The following LAMA5 variants were observed in gnomAD, a reference collection of about 807,000 sequenced individuals.
LAMA5 encodes the protein laminin subunit alpha 5, also known as laminin subunit alpha-5.
A neutral mutation model predicts 433.4 loss-of-function variants in LAMA5; 260 were observed. The ratio of observed to expected loss-of-function variants is 0.60; its 90% confidence interval spans 0.54 to 0.66. LAMA5 has a LOEUF of 0.66. LAMA5 is among the 30% of genes least tolerant of loss of function. The pLI, the probability that LAMA5 is intolerant of heterozygous loss-of-function variation, is 0.00. For synonymous variants in LAMA5, 2,620 were observed against 2,226.6 expected, an observed-to-expected ratio of 1.18 and a Z score of -4.97; for missense variants, 5,378 against 5,258.5, an observed-to-expected ratio of 1.02 and a Z score of -0.70.
chr20:62,320,779 G>C lies in LAMA5; in HGVS notation c.6608C>G (p.Ala2203Gly), dbSNP rs1987614227. ...GGAGGCGTTCAGCCTGTGCAGACGG[G>C]CCCAGGCCATGGAGCTGGCATTGAT... is the stretch of plus-strand genomic sequence containing the variant. ...RGINASSMAW[A>G]RLHRLNASIA... The change falls in exon 49 of 80, where the codon GCC becomes GGC. Residue 2203 changes from alanine to glycine, a missense_variant. Transcript: ENST00000252999. The C allele has an allele frequency of 6.2e-7, 1 of 1,612,688 alleles. No individual in the cohort carries two copies. The highest frequency in any genetic ancestry group is 8.5e-7 in the Non-Finnish European group (1 of 1,179,920).
Position 62,334,936 on chromosome 20 carries a change from C to T in LAMA5, c.2482+85G>A, listed in dbSNP as rs577678064. ...CCCGGGCTTCATGCTGCCCAGGCTG[C>T]ACTTGTCCCTCCGGGCCTTGGGTTC... On this transcript the variant is annotated intron_variant, in intron 20 of 79. Coordinates refer to ENST00000252999, the MANE Select transcript of LAMA5 (RefSeq NM_005560.6). The T allele has an allele frequency of 7.3e-5, 95 of 1,295,512 alleles. No individual in the cohort carries two copies. The South Asian group carries it at 1.1e-3, about 15-fold the overall frequency. 80.3% of individuals were successfully genotyped at this position (1,295,512 alleles called of 1,614,324 possible).
rs777979653 is a variant in LAMA5, at chr20:62,337,680, G to A, written c.2074C>T (p.Arg692Trp). The A allele has an allele frequency of 3.5e-5, 56 of 1,611,752 alleles. No individual in the cohort carries two copies. The South Asian group carries it at 4.5e-4, about 13-fold the overall frequency. The change falls in exon 16 of 80, where the codon CGG becomes TGG. Residue 692 changes from arginine (R) to tryptophan (W), a missense_variant. Transcript: ENST00000252999. ...GGCCGGCAGCTGCACTGCCCACTCC[G>A]GGGGTCACAGGCTGCGTGCAGGGAG... Reference protein sequence around the residue: ...EGSLHAACDPRSGQCSCRPRV... With the variant: ...EGSLHAACDPWSGQCSCRPRV...
intron 1 of LAMA5, among the ~76,000 whole-genome samples, chr20:62,363,141 C>A (rs1741635): frequency 7.2e-5 from 11 of 152,026 alleles, no homozygotes; most frequent in South Asian, 2.1e-4. Context: ...GCCAGACCCC[C>A]CCCCACCTCC....
chr20:62,359,759 C>T lies in LAMA5; in HGVS notation c.450+2641G>A, dbSNP rs1051355962. Among the ~76,000 whole-genome samples, 27 of 152,106 alleles carry T rather than the reference C, an allele frequency of 1.8e-4. No individual in the cohort carries two copies. The highest frequency in any genetic ancestry group is 5.9e-4 in the Admixed American group (9 of 15,288). Reference sequence around the variant, plus strand: ...AGGCCAGGAGCCCAGCTGGCACTCCCGGGGGCCCAGGCTCAGCTGCTTCTG... The same window carrying T: ...AGGCCAGGAGCCCAGCTGGCACTCCTGGGGGCCCAGGCTCAGCTGCTTCTG... On this transcript the variant is annotated intron_variant, in intron 2 of 79. Transcript: ENST00000252999. The surrounding 1 kb of genome is among the most constrained non-coding windows in gnomAD (Gnocchi z 4.3).
At position 62,323,758 on chromosome 20, in the gene LAMA5, G is replaced by T; in HGVS notation, c.5849+18C>A. On this transcript the variant is annotated intron_variant, in intron 44 of 79. Coordinates refer to ENST00000252999, the MANE Select transcript of LAMA5 (RefSeq NM_005560.6). ...GTCAGCACTCAGGCCCTGCCCCACT[G>T]CCCTAGCCCCAGCTCACCGCTCGCA... The T allele has an allele frequency of 6.2e-7, 1 of 1,607,216 alleles. No homozygotes were observed. The highest frequency in any genetic ancestry group is 8.5e-7 in the Non-Finnish European group (1 of 1,176,836).
chr20:62,315,942 G>T lies in LAMA5; in HGVS notation c.7867+6C>A. Reference sequence around the variant, plus strand: ...GCTGCGAGAGCCGGGCCCAGGCTCCGCATACCTGTGTCCATGGCAAGCATG... The same window carrying T: ...GCTGCGAGAGCCGGGCCCAGGCTCCTCATACCTGTGTCCATGGCAAGCATG... On this transcript the variant is annotated splice_donor_region_variant and intron_variant, in intron 58 of 79. Transcript: ENST00000252999. 6.3e-7 allele frequency: 1 copy of T among 1,585,114 alleles called. No homozygotes were observed. The highest frequency in any genetic ancestry group is 8.6e-7 in the Non-Finnish European group (1 of 1,168,384).
At chr20:62,344,447 G>A (rs919836787) in intron 11 of LAMA5, among the ~76,000 whole-genome samples, 4 of 151,968 alleles carry the variant, frequency 2.6e-5, no homozygotes, top group Non-Finnish European at 5.9e-5. Flanking sequence ...ACTGTATGCT[G>A]GGAGACTCTT....
Position 62,337,628 on chromosome 20 carries a change from G to T in LAMA5, c.2126C>A (p.Thr709Lys), listed in dbSNP as rs75621170. Reference sequence around the variant, plus strand: ...GAAGTTGTAGGCACCGGGCACACATGTGTCACACCGCAGCCCCGTCACACG... The same window carrying T: ...GAAGTTGTAGGCACCGGGCACACATTTGTCACACCGCAGCCCCGTCACACG... ...RPRVTGLRCD[T>K]CVPGAYNFPY... is the part of the protein sequence containing the mutation. Residue 709 changes from threonine (T) to lysine (K), a missense_variant, in exon 16 of 80, where the codon ACA becomes AAA. Transcript: ENST00000252999. 1 of 1,611,824 alleles carries T rather than the reference G, an allele frequency of 6.2e-7. No individual in the cohort carries two copies. Among genetic ancestry groups the T allele is most frequent in the Non-Finnish European group, 8.5e-7 (1 of 1,179,660 alleles).
At position 62,328,360 on chromosome 20, in the gene LAMA5, C is replaced by T. The variant is rs1979694396; in HGVS notation, c.4533G>A (p.Leu1511=). The change falls in exon 35 of 80, where the codon CTG becomes CTA. Residue 1511 remains leucine (L), a synonymous_variant. Transcript: ENST00000252999. The part of the protein sequence containing the change: ...PPRTIPPDCL[L]CQPQTFGCHP... ...GGCAGCCAAAGGTCTGGGGCTGGCA[C>T]AGCAGGCAGTCGGGCGGGATGGTGC... The T allele has an allele frequency of 3.8e-6, 6 of 1,591,402 alleles. No individual in the cohort carries two copies. Among genetic ancestry groups the T allele is most frequent in the Non-Finnish European group, 5.1e-6 (6 of 1,169,222 alleles).
At chr20:62,314,074 CAG>C (rs1306696209) in intron 62 of LAMA5, among the ~76,000 whole-genome samples, 1 of 49,834 alleles carries the variant, frequency 2.0e-5, no homozygotes, top group Admixed American at 2.8e-4. Context: ...CGGGTGGGCA[CAG>C]AGACGAGGGG....
chr20:62,316,650 C>T (rs1375788601), intron 57 of LAMA5, 21 bp downstream of exon 57: 2 of 1,523,770 alleles, frequency 1.3e-6, no homozygotes, highest in South Asian at 2.5e-5. Context: ...CTAAGGGCCC[C>T]CATCGGAGCC....
chr20:62,321,482 G>C (rs1601315730), intron 48 of LAMA5, among the ~76,000 whole-genome samples: 2 of 47,688 alleles, frequency 4.2e-5, no homozygotes, highest in African/African-American at 1.2e-4. Flanking sequence ...GGTCAGTGGA[G>C]GGGTGGGGTC....
At chr20:62,321,905 GA>G (rs910994699) in intron 48 of LAMA5, 113 bp downstream of exon 48, 3 of 1,048,696 alleles carry the variant, frequency 2.9e-6, no homozygotes, top group Non-Finnish European at 2.9e-6. Context: ...TCGGGAAATG[GA>G]AGGCAGCTGG....
intron 3 of LAMA5, among the ~76,000 whole-genome samples, chr20:62,352,591 C>A (rs1273084541): frequency 1.3e-5 from 2 of 152,064 alleles, no homozygotes; most frequent in Non-Finnish European, 1.5e-5. Context: ...CCCTCGACGA[C>A]CATCCTCACC....
At chr20:62,319,864 G>C in intron 50 of LAMA5, 69 bp from the exon 51 acceptor site, 1 of 1,265,412 alleles carries the variant, frequency 7.9e-7, no homozygotes, top group South Asian at 1.3e-5. Flanking sequence ...GGAGGGCCTG[G>C]GGTCTGGGGG....
chr20:62,316,889 G>C lies in LAMA5; in HGVS notation c.7646C>G (p.Thr2549Arg). The change falls in exon 56 of 80, where the codon ACG becomes AGG. Residue 2549 changes from threonine to arginine, a missense_variant. Physicochemically the swap from Thr to Arg is moderately conservative, Grantham distance 71. Coordinates refer to ENST00000252999, the MANE Select transcript of LAMA5 (RefSeq NM_005560.6). ...AGQALQQADH[T>R]WATVVRQGLV... ...GGAAGTGAGGGGCCTCACCGCCCAC[G>C]TGTGGTCCGCCTGCTGCAGGGCCTG... 1 of 1,532,794 alleles carries C rather than the reference G, an allele frequency of 6.5e-7. No individual in the cohort carries two copies. 94.9% of individuals were successfully genotyped at this position (1,532,794 alleles called of 1,614,324 possible).
At chr20:62,344,972 G>A in intron 11 of LAMA5, among the ~76,000 whole-genome samples, 1 of 152,284 alleles carries the variant, frequency 6.6e-6, no homozygotes, top group South Asian at 2.1e-4. Context: ...TGTACAGAGA[G>A]CATTCAAGCG....
chr20:62,311,305 G>T lies in LAMA5; in HGVS notation c.9945C>A (p.Ala3315=), dbSNP rs755000674. Residue 3315 remains alanine (A), a splice_region_variant and synonymous_variant, in exon 73 of 80, where the codon GCC becomes GCA. Coordinates refer to ENST00000252999, the MANE Select transcript of LAMA5 (RefSeq NM_005560.6). ...GGGCGGGCTGACGGCTGCGGCGGGA[G>T]GCCTGGGGGCGTGGATGGTGAATGC... ...PRGLQATARK[A]SRRSRQPARH... is the part of the protein sequence containing the mutation. 17 of 1,570,482 alleles carry T rather than the reference G, an allele frequency of 1.1e-5. No homozygotes were observed. The highest frequency in any genetic ancestry group is 1.5e-5 in the Non-Finnish European group (17 of 1,161,324).
chr20:62,342,274 G>T, intron 11 of LAMA5: 1 of 360,590 alleles, frequency 2.8e-6, no homozygotes, highest in Non-Finnish European at 5.5e-6. Flanking sequence ...CTGCACTCCA[G>T]CCTGGACGAC....
Sources: gnomAD v4.1 joint callset for allele counts (sites outside exome capture counted in the v4.1 genomes callset) on GRCh38, gnomAD v4.1.1 for gene constraint, Gnocchi (gnomAD v3.1) non-coding constraint, MANE v1.5 for transcripts, NCBI Gene and HGNC (gene_info 2026-07-23, HGNC 2026-07-21) for gene names.